The following C6orf52 variants were observed in gnomAD, a reference collection of about 807,000 sequenced individuals.
The protein encoded by C6orf52 is putative uncharacterized protein C6orf52.
Under a neutral mutation model 16.6 loss-of-function variants are expected in C6orf52, and 16 were observed. The ratio of observed to expected loss-of-function variants is 0.96; its 90% confidence interval spans 0.65 to 1.46. The LOEUF (loss-of-function observed/expected upper bound fraction) is 1.46, where lower values mean the gene tolerates loss of function less well. Ranked by LOEUF, C6orf52 falls within the 40% of genes most tolerant of loss-of-function variation. The pLI is 0.00. For missense variants in C6orf52, 166 were observed against 182.3 expected (o/e 0.91, Z 0.52); for synonymous variants, 53 against 61.4 (o/e 0.86, Z 0.64).
At chr6:10,683,263 A>G (rs749421607) in intron 3 of C6orf52, 31 bp from the exon 4 acceptor site, 1 of 1,450,762 alleles carries the variant, frequency 6.9e-7, no homozygotes, top group Admixed American at 2.1e-5. Context: ...ATGAGAAAAT[A>G]ATTTTACTTA....
At chr6:10,690,494 G>T (rs184300682) in intron 1 of C6orf52, among the ~76,000 whole-genome samples, 8 of 152,258 alleles carry the variant, frequency 5.3e-5, no homozygotes, top group Admixed American at 2.0e-4. Flanking sequence ...TGAGAAAGAG[G>T]AGAATTCAGC....
Position 10,694,245 on chromosome 6 carries a change from A to G in C6orf52, c.-12+249T>C, listed in dbSNP as rs567199987. Among the ~76,000 whole-genome samples the G allele has an allele frequency of 8.5e-5, 12 of 141,652 alleles. No homozygotes were observed. The East Asian group carries it at 1.9e-3, about 22-fold the overall frequency. 92.9% of individuals were successfully genotyped at this position (141,652 alleles called of 152,430 possible). ...ACCGGACTCCAGCCTGGGCAAAAAG[A>G]GCGAAACTCCGTCTCAAAAAAAAAA... is the stretch of plus-strand genomic sequence containing the variant. On this transcript the variant is annotated intron_variant, in intron 1 of 4. Transcript: ENST00000259983.
chr6:10,680,552 G>A (rs1158200770), intron 4 of C6orf52, among the ~76,000 whole-genome samples: 3 of 151,960 alleles, frequency 2.0e-5, no homozygotes, highest in Admixed American at 1.3e-4. Flanking sequence ...AAAGTATTTC[G>A]TCTTCGATTT....
chr6:10,693,305 C>G (rs1769521269), intron 1 of C6orf52, among the ~76,000 whole-genome samples: 1 of 152,164 alleles, frequency 6.6e-6, no homozygotes, highest in African/African-American at 2.4e-5. Flanking sequence ...AATTGAGCAC[C>G]CTTTCTGCAT....
chr6:10,687,715 C>G (rs1406814731), intron 1 of C6orf52, among the ~76,000 whole-genome samples, 154 bp from the exon 2 acceptor site: 1 of 151,638 alleles, frequency 6.6e-6, no homozygotes, highest in Non-Finnish European at 1.5e-5. Flanking sequence ...AATTGCTTGA[C>G]TTTCCTGACA....
chr6:10,683,280 T>A (rs1393210586), intron 3 of C6orf52, 48 bp from the exon 4 acceptor site: 1 of 1,178,488 alleles, frequency 8.5e-7, no homozygotes, highest in Non-Finnish European at 1.2e-6. Context: ...CTTAAAGGTT[T>A]AATATCAATA....
At chr6:10,676,212 A>T (rs556895190) in intron 4 of C6orf52, among the ~76,000 whole-genome samples, 19 of 152,308 alleles carry the variant, frequency 1.2e-4, no homozygotes, top group African/African-American at 2.9e-4. Flanking sequence ...TGAAATAAAA[A>T]TTTTTTTAAA....
At chr6:10,687,383 T>A (rs1480150237) in intron 2 of C6orf52, 97 bp downstream of exon 2, 305 of 835,430 alleles carry the variant, frequency 3.7e-4, no homozygotes, top group Middle Eastern at 7.1e-4. Flanking sequence ...CCCAGAACTT[T>A]AAAAAAAAAA....
At chr6:10,684,844 C>T in intron 3 of C6orf52, 1 of 1,289,062 alleles carries the variant, frequency 7.8e-7, no homozygotes, top group Non-Finnish European at 1.0e-6. Flanking sequence ...ACCACAGAGG[C>T]TTACCATCTT....
chr6:10,680,741 A>G (rs1768305389), intron 4 of C6orf52, among the ~76,000 whole-genome samples: 1 of 152,164 alleles, frequency 6.6e-6, no homozygotes, highest in Non-Finnish European at 1.5e-5. Context: ...AAAATAAAAT[A>G]AAATGAAAAA....
intron 1 of C6orf52, among the ~76,000 whole-genome samples, chr6:10,691,769 T>C (rs1769329748): frequency 6.6e-6 from 1 of 152,168 alleles, no homozygotes; most frequent in Non-Finnish European, 1.5e-5. Flanking sequence ...TAGTAACACC[T>C]GGACTAGATG....
chr6:10,692,360 C>T (rs777666180), intron 1 of C6orf52, among the ~76,000 whole-genome samples: 1 of 152,134 alleles, frequency 6.6e-6, no homozygotes, highest in Non-Finnish European at 1.5e-5. Context: ...GAAACTTACA[C>T]ATTACAAAAA....
intron 3 of C6orf52, among the ~76,000 whole-genome samples, chr6:10,685,375 A>G (rs1768791129): frequency 6.6e-6 from 1 of 152,214 alleles, no homozygotes. Context: ...GGAAAAAATG[A>G]CAAGAAATCT....
Position 10,671,615 on chromosome 6 carries a change from T to C in C6orf52, c.317-17A>G. On this transcript the variant is annotated splice_polypyrimidine_tract_variant and intron_variant, in intron 4 of 4. Coordinates refer to ENST00000259983, the MANE Select transcript of C6orf52 (RefSeq NM_001145020.3). ...GATGTGGATCTGCAGAAGCCAATAA[T>C]GGATATGAAAAAAATAGAGTTTTAC... 6.6e-7 allele frequency: 1 copy of C among 1,504,460 alleles called. No homozygotes were observed. Among genetic ancestry groups the C allele is most frequent in the Non-Finnish European group, 8.9e-7 (1 of 1,121,630 alleles). 93.2% of individuals were successfully genotyped at this position (1,504,460 alleles called of 1,614,324 possible). A position where few individuals can be genotyped will look rare whatever the true frequency, so the allele number is the denominator to read the frequency against.
intron 4 of C6orf52, among the ~76,000 whole-genome samples, chr6:10,677,282 C>T (rs931922897): frequency 1.3e-5 from 2 of 152,138 alleles, no homozygotes; most frequent in South Asian, 2.1e-4. Flanking sequence ...GCCTTTTCCC[C>T]ATTGTGTGTT....
In C6orf52 at chr6:10,694,608, C is replaced by CGTT; in HGVS notation, c.-127_-126insAAC. On this transcript the variant is annotated 5_prime_UTR_variant, in exon 1 of 5. Transcript: ENST00000259983. The stretch of plus-strand genomic sequence containing the variant: ...GGCGCTACAGCCCCTAAGCAACCGG[C>CGTT]CGGAAGTCGGCCCCACCTCCTCCTG... The CGTT allele has an allele frequency of 2.2e-5, 4 of 178,120 alleles. No individual in the cohort carries two copies. The highest frequency in any genetic ancestry group is 1.6e-4 in the East Asian group (1 of 6,374). 11.0% of individuals were successfully genotyped at this position (178,120 alleles called of 1,614,324 possible).
intron 1 of C6orf52, among the ~76,000 whole-genome samples, chr6:10,689,437 A>G (rs56663860): frequency 0.079 from 12,020 of 152,230 alleles, 1,394 homozygotes; most frequent in African/African-American, 0.26. Context: ...TTGATTAGCA[A>G]CTGTGGCAGA....
intron 3 of C6orf52, among the ~76,000 whole-genome samples, chr6:10,685,602 A>G (rs1156753817): frequency 3.9e-5 from 6 of 152,254 alleles, no homozygotes; most frequent in Non-Finnish European, 7.3e-5. Flanking sequence ...GGAAGTCCGT[A>G]ACATTTAGAC....
At chr6:10,676,440 A>T (rs182422589) in intron 4 of C6orf52, among the ~76,000 whole-genome samples, 2 of 152,344 alleles carry the variant, frequency 1.3e-5, no homozygotes, top group East Asian at 3.9e-4. Context: ...CTGCAGACAC[A>T]GACAAGCAAG....
Sources: gnomAD v4.1 joint callset for allele counts (sites outside exome capture counted in the v4.1 genomes callset) on GRCh38, gnomAD v4.1.1 for gene constraint, MANE v1.5 for transcripts, NCBI Gene and HGNC (gene_info 2026-07-23, HGNC 2026-07-21) for gene names.